The following ANKHD1 variants were observed in gnomAD, a reference collection of about 807,000 sequenced individuals.
ANKHD1 encodes ankyrin repeat and KH domain containing 1, also known as ankyrin repeat and KH domain-containing protein 1.
Under a neutral mutation model 230.5 loss-of-function variants are expected in ANKHD1, and 31 were observed. The ratio of observed to expected loss-of-function variants is 0.13; its 90% CI spans 0.10 to 0.18. The LOEUF is 0.18. ANKHD1 is among the 10% of genes least tolerant of loss of function. The probability of loss-of-function intolerance (pLI) is 1.00; values close to 1 mark genes in which losing one functional copy is unlikely to be tolerated. For synonymous variants in ANKHD1, 1,074 were observed against 1,117.6 expected (o/e 0.96, Z 0.78); for missense variants, 2,256 against 3,071.3 (o/e 0.73, Z 6.27).
At chr5:140,518,945 G>A (rs1436220390) in intron 24 of ANKHD1, among the ~76,000 whole-genome samples, 1 of 152,144 alleles carries the variant, frequency 6.6e-6, no homozygotes, top group Non-Finnish European at 1.5e-5. Context: ...GGGCAAATAG[G>A]CAGGAGAAGG....
intron 4 of ANKHD1, 124 bp downstream of exon 4, chr5:140,440,390 C>T: frequency 4.4e-6 from 6 of 1,355,506 alleles, no homozygotes; most frequent in Non-Finnish European, 5.7e-6. Flanking sequence ...ATCCTCCTTC[C>T]CTTTTTGGTA....
At chr5:140,425,677 A>G (rs1772351869) in intron 1 of ANKHD1, among the ~76,000 whole-genome samples, 1 of 152,190 alleles carries the variant, frequency 6.6e-6, no homozygotes. Flanking sequence ...TTTTTATTCC[A>G]GTATTTTAAG....
chr5:140,520,396 A>G (rs1393837605), intron 24 of ANKHD1, among the ~76,000 whole-genome samples: 17 of 152,226 alleles, frequency 1.1e-4, no homozygotes, highest in African/African-American at 4.1e-4. Flanking sequence ...CTAGAACTAG[A>G]AATACCATTT....
At chr5:140,437,683 G>A (rs142845395) in intron 2 of ANKHD1, among the ~76,000 whole-genome samples, 2 of 152,216 alleles carry the variant, frequency 1.3e-5, no homozygotes, top group Admixed American at 1.3e-4. Flanking sequence ...TTCAGTCTGG[G>A]TGACAGAGCA....
At chr5:140,407,536 C>G (rs938745564) in intron 1 of ANKHD1, among the ~76,000 whole-genome samples, 2 of 151,256 alleles carry the variant, frequency 1.3e-5, no homozygotes, top group African/African-American at 4.9e-5. Context: ...TCCCAAAGAG[C>G]TAGGTCTAAC....
At chr5:140,443,680 TAAA>T (rs572970598) in intron 5 of ANKHD1, among the ~76,000 whole-genome samples, 4 of 104,870 alleles carry the variant, frequency 3.8e-5, no homozygotes, top group Non-Finnish European at 2.1e-5. Flanking sequence ...ACTCCGTCTA[TAAA>T]AAAAAAAAAA....
chr5:140,407,231 G>GT (rs1416216981), intron 1 of ANKHD1, among the ~76,000 whole-genome samples: 1 of 145,662 alleles, frequency 6.9e-6, no homozygotes, highest in African/African-American at 2.5e-5. Context: ...GGAGGCAGAA[G>GT]TCGCAGTGAG....
intron 10 of ANKHD1, among the ~76,000 whole-genome samples, chr5:140,478,798 CCTT>C (rs1751103790): frequency 6.6e-6 from 1 of 151,832 alleles, no homozygotes; most frequent in Admixed American, 6.6e-5. Flanking sequence ...GCATGCACCA[CCTT>C]GCCCAGCTAA....
intron 28 of ANKHD1, 39 bp downstream of exon 28, chr5:140,528,061 AATT>A: frequency 6.2e-7 from 1 of 1,608,144 alleles, no homozygotes; most frequent in Non-Finnish European, 8.5e-7. Flanking sequence ...TCTGAGTAGA[AATT>A]ATAAGAAGCA....
intron 10 of ANKHD1, among the ~76,000 whole-genome samples, chr5:140,478,363 C>CTT (rs912642983): frequency 3.9e-5 from 5 of 127,858 alleles, no homozygotes; most frequent in African/African-American, 5.7e-5. Flanking sequence ...CTTTCTTTTT[C>CTT]TTTTTTTTTT....
At chr5:140,479,773 C>T (rs1176497286) in intron 10 of ANKHD1, among the ~76,000 whole-genome samples, 3 of 147,532 alleles carry the variant, frequency 2.0e-5, no homozygotes, top group South Asian at 2.1e-4. Context: ...TATGTATATG[C>T]GTATATATGT....
At chr5:140,441,222 A>G in intron 5 of ANKHD1, 80 bp downstream of exon 5, 1 of 1,406,152 alleles carries the variant, frequency 7.1e-7, no homozygotes, top group South Asian at 1.7e-5. Context: ...TAGATTTCTG[A>G]GGAAAACCAG....
chr5:140,532,258 T>C (rs1753862923), intron 29 of ANKHD1, among the ~76,000 whole-genome samples: 1 of 151,458 alleles, frequency 6.6e-6, no homozygotes, highest in Non-Finnish European at 1.5e-5. Flanking sequence ...TGGATGAACT[T>C]TGAAAACATT....
At chr5:140,451,736 G>A (rs1774751318) in intron 7 of ANKHD1, among the ~76,000 whole-genome samples, 1 of 152,082 alleles carries the variant, frequency 6.6e-6, no homozygotes, top group Non-Finnish European at 1.5e-5. Context: ...TCAAACATCT[G>A]GGCTCAAGCT....
chr5:140,443,863 TAAAAG>T (rs971372122), intron 5 of ANKHD1, among the ~76,000 whole-genome samples: 2 of 152,032 alleles, frequency 1.3e-5, no homozygotes, highest in Non-Finnish European at 2.9e-5. Context: ...ATTACACAGA[TAAAAG>T]AGGAGTTGAT....
intron 14 of ANKHD1, among the ~76,000 whole-genome samples, chr5:140,491,131 T>C (rs963237798): frequency 2.8e-5 from 2 of 72,666 alleles, no homozygotes; most frequent in East Asian, 7.0e-4. Context: ...TATATATATA[T>C]ATATACACAT....
At chr5:140,535,632 C>T in intron 30 of ANKHD1, 94 bp downstream of exon 30, 1 of 1,431,294 alleles carries the variant, frequency 7.0e-7, no homozygotes, top group Non-Finnish European at 9.2e-7. Context: ...CTTTAGTAAA[C>T]TAAGTGGTAT....
chr5:140,452,963 AC>A (rs1774869718), intron 7 of ANKHD1, among the ~76,000 whole-genome samples: 1 of 152,236 alleles, frequency 6.6e-6, no homozygotes, highest in East Asian at 1.9e-4. Context: ...GAAGCTAAAA[AC>A]CTTGAAAAAA....
intron 1 of ANKHD1, among the ~76,000 whole-genome samples, chr5:140,428,497 G>A (rs1177499532): frequency 1.3e-5 from 2 of 152,202 alleles, no homozygotes; most frequent in Non-Finnish European, 2.9e-5. Context: ...CCAGTCAGGC[G>A]TGGTGGCGCA....
Sources: gnomAD v4.1 joint callset for allele counts (sites outside exome capture counted in the v4.1 genomes callset) on GRCh38, gnomAD v4.1.1 for gene constraint, MANE v1.5 for transcripts, NCBI Gene and HGNC (gene_info 2026-07-23, HGNC 2026-07-21) for gene names.